The following SLC38A11 variants were observed in gnomAD, a reference collection of about 807,000 sequenced individuals.
SLC38A11 encodes solute carrier family 38 member 11.
Under a neutral mutation model 49.4 loss-of-function variants are expected in SLC38A11, and 51 were observed. The ratio of observed to expected loss-of-function variants is 1.03; its 90% CI spans 0.83 to 1.30. The LOEUF (loss-of-function observed/expected upper bound fraction) is 1.30. Ranked by LOEUF, SLC38A11 falls within the 50% of genes most tolerant of loss-of-function variation. The probability of loss-of-function intolerance (pLI) is 0.00; values close to 1 mark genes in which losing one functional copy is unlikely to be tolerated. For missense variants in SLC38A11, 574 were observed against 556.2 expected, an observed-to-expected ratio of 1.03 and a Z score of -0.32; for synonymous variants, 203 against 192.9, an observed-to-expected ratio of 1.05 and a Z score of -0.43.
At chr2:164,941,709 A>T (rs2105504596) in intron 5 of SLC38A11, among the ~76,000 whole-genome samples, 1 of 152,246 alleles carries the variant, frequency 6.6e-6, no homozygotes, top group Non-Finnish European at 1.5e-5. Context: ...AACAATCAAA[A>T]TGTTTCTATC....
intron 5 of SLC38A11, 139 bp downstream of exon 5, chr2:164,944,430 C>T: frequency 2.8e-6 from 1 of 361,780 alleles, no homozygotes; most frequent in Non-Finnish European, 5.0e-6. Flanking sequence ...CAGAATGGAT[C>T]ATGGATATTG....
intron 7 of SLC38A11, among the ~76,000 whole-genome samples, chr2:164,934,813 C>T (rs1687245488): frequency 6.6e-6 from 1 of 152,074 alleles, no homozygotes; most frequent in Non-Finnish European, 1.5e-5. Context: ...GTTTAATATA[C>T]TTATTAGCTT....
At chr2:164,929,161 T>C (rs982074876) in intron 7 of SLC38A11, among the ~76,000 whole-genome samples, 3 of 152,136 alleles carry the variant, frequency 2.0e-5, no homozygotes, top group African/African-American at 7.2e-5. Flanking sequence ...TATCACTCAC[T>C]TACATCTTAA....
At chr2:164,935,565 TC>T in intron 7 of SLC38A11, among the ~76,000 whole-genome samples, 1 of 150,458 alleles carries the variant, frequency 6.6e-6, no homozygotes, top group South Asian at 2.1e-4. Context: ...ATGCCTGCAG[TC>T]CCAGCTACAC....
intron 4 of SLC38A11, 43 bp from the exon 5 acceptor site, chr2:164,944,677 A>C: frequency 4.7e-5 from 36 of 760,966 alleles, no homozygotes; most frequent in Non-Finnish European, 6.0e-5. Context: ...AAGCCATCTC[A>C]TATTTCATCC....
In SLC38A11 at chr2:164,897,820, G is replaced by A. The variant is rs934126409; in HGVS notation, c.*617C>T. 1 of 152,076 alleles carries A rather than the reference G, an allele frequency of 6.6e-6. No homozygotes were observed. The highest frequency in any genetic ancestry group is 2.4e-5 in the African/African-American group (1 of 41,386). 9.4% of individuals were successfully genotyped at this position (152,076 alleles called of 1,614,324 possible). A position where few individuals can be genotyped will look rare whatever the true frequency, so the allele number is the denominator to read the frequency against. On this transcript the variant is annotated 3_prime_UTR_variant, in exon 12 of 12. Coordinates refer to ENST00000685975, the MANE Select transcript of SLC38A11 (RefSeq NM_001351537.2). ...GTATTCCCACAGCATCAGAAGATGG[G>A]AGGTGATTTTGATTCTTTACACACC...
Position 164,930,346 on chromosome 2 carries a change from T to C in SLC38A11, c.617+7004A>G, listed in dbSNP as rs571978192. On this transcript the variant is annotated intron_variant, in intron 7 of 11. Transcript: ENST00000685975. ...GTACAAAGAAGAGCTGGTACATTCC[T>C]GCTGAAGCTGTTCCAAAAAATTGAG... Among the ~76,000 whole-genome samples, 46 of 152,250 alleles carry C rather than the reference T, an allele frequency of 3.0e-4. No individual in the cohort carries two copies. In the South Asian group the frequency reaches 9.3e-3, roughly 31 times the overall value.
intron 10 of SLC38A11, among the ~76,000 whole-genome samples, chr2:164,911,086 T>C (rs1414391640): frequency 6.6e-6 from 1 of 151,982 alleles, no homozygotes; most frequent in African/African-American, 2.4e-5. Flanking sequence ...CATGTATAAA[T>C]ACATAAATAA....
intron 7 of SLC38A11, among the ~76,000 whole-genome samples, chr2:164,928,499 T>C (rs1011201603): frequency 1.3e-5 from 2 of 152,176 alleles, no homozygotes; most frequent in Admixed American, 6.6e-5. Flanking sequence ...TTAGACACTT[T>C]GCTGAGTAAT....
Position 164,945,698 on chromosome 2 carries a change from C to T in SLC38A11, c.259G>A (p.Gly87Arg), listed in dbSNP as rs1173384255. The T allele has an allele frequency of 3.1e-6, 5 of 1,606,756 alleles. No homozygotes were observed. Among genetic ancestry groups the T allele is most frequent in the Admixed American group, 3.5e-5 (2 of 57,810 alleles). Residue 87 changes from glycine to arginine, a missense_variant, in exon 4 of 12, where the codon GGG (glycine) becomes AGG (arginine). Gly to Arg is a moderately radical substitution (Grantham distance 125). Coordinates refer to ENST00000685975, the MANE Select transcript of SLC38A11 (RefSeq NM_001351537.2). ...TAGGTATCTGTTCCAGAGAGGGCCC[C>T]TCCTTTTATCAATAAAACAAGGGAA... ...DFSLVLLIKG[G>R]ALSGTDTYQS...
In SLC38A11 at chr2:164,939,533, C is replaced by T. The variant is rs1490893326; in HGVS notation, c.454G>A (p.Gly152Ser). The change falls in exon 6 of 12, where the codon GGT becomes AGT. Residue 152 changes from glycine (G) to serine (S), a missense_variant. Transcript: ENST00000685975. ...GAAAGTCCAATAATGAAGTGGCGAC[C>T]AATAAACACGTTTTCAGGATCAACT... ...PGVDPENVFI[G>S]RHFIIGLSTV... 1 of 1,608,640 alleles carries T rather than the reference C, an allele frequency of 6.2e-7. No homozygotes were observed. The highest frequency in any genetic ancestry group is 1.7e-5 in the Admixed American group (1 of 59,500).
intron 8 of SLC38A11, 43 bp from the exon 9 acceptor site, chr2:164,915,316 G>A: frequency 6.5e-7 from 1 of 1,533,294 alleles, no homozygotes; most frequent in Non-Finnish European, 8.7e-7. Flanking sequence ...CAAGCACCAG[G>A]GTTTTCTTTT....
chr2:164,937,458 G>A (rs17353624), intron 6 of SLC38A11, 29 bp from the exon 7 acceptor site: 93,502 of 1,305,876 alleles, frequency 0.072, 3,657 homozygotes, highest in Admixed American at 0.097. Flanking sequence ...GGATATTGCC[G>A]GTTTAGGACA....
intron 10 of SLC38A11, 48 bp downstream of exon 10, chr2:164,911,588 T>G: frequency 1.1e-6 from 1 of 892,758 alleles, no homozygotes; most frequent in Non-Finnish European, 1.7e-6. Context: ...AAATTAAATG[T>G]GGCAGAGAGA....
rs1305904507 is a variant in SLC38A11 at position 164,905,082 on chromosome 2, T to C, written c.1095+3558A>G. ...AAAGCACCTGGTACAGAGTAAGTAC[T>C]CAATACATGGTAGCTCACATTATTA... On this transcript the variant is annotated intron_variant, in intron 11 of 11. Transcript: ENST00000685975. 2.0e-5 allele frequency among the ~76,000 whole-genome samples: 3 copies of C among 152,148 alleles called. No individual in the cohort carries two copies. The East Asian group carries it at 5.8e-4, about 29-fold the overall frequency.
In SLC38A11 at chr2:164,898,292, C is replaced by T; in HGVS notation, c.*145G>A. 1.6e-6 allele frequency: 1 copy of T among 614,664 alleles called. No individual in the cohort carries two copies. The highest frequency in any genetic ancestry group is 2.8e-6 in the Non-Finnish European group (1 of 360,350). The allele number at this position is 614,664 out of a possible 1,614,324, so 38.1% of individuals were successfully genotyped here. On this transcript the variant is annotated 3_prime_UTR_variant, in exon 12 of 12. Transcript: ENST00000685975. ...TACATTCAATTTTTCTTTTCTTTAT[C>T]TTTTATATTGCACTACTCATAAAAG...
intron 3 of SLC38A11, among the ~76,000 whole-genome samples, chr2:164,950,812 C>A (rs1367454572): frequency 1.3e-5 from 2 of 151,878 alleles, no homozygotes; most frequent in African/African-American, 4.8e-5. Context: ...CCTTAAAAGG[C>A]AAAATAATAA....
chr2:164,908,841 A>T, intron 10 of SLC38A11, 70 bp from the exon 11 acceptor site: 1 of 1,486,856 alleles, frequency 6.7e-7, no homozygotes, highest in Non-Finnish European at 9.1e-7. Context: ...GGAGTATTTT[A>T]CAATAGTATT....
intron 7 of SLC38A11, among the ~76,000 whole-genome samples, chr2:164,935,177 C>CT (rs1203671243): frequency 0.071 from 10,191 of 143,576 alleles, 891 homozygotes; most frequent in African/African-American, 0.21. Flanking sequence ...GATTTTTCTT[C>CT]TTTTTTTTTT....
Sources: allele counts gnomAD v4.1 joint callset (sites outside exome capture counted in the v4.1 genomes callset), GRCh38; gene constraint gnomAD v4.1.1; transcripts MANE v1.5; gene names NCBI Gene and HGNC (gene_info 2026-07-23, HGNC 2026-07-21).